DDX60: variants seen among roughly 807,000 people sequenced by gnomAD.
The protein encoded by DDX60 is DExD/H-box helicase 60.
Under a neutral mutation model 212.8 loss-of-function variants are expected in DDX60, and 165 were observed. The observed-to-expected ratio is 0.78, with a 90% CI of 0.68 to 0.88. The LOEUF (loss-of-function observed/expected upper bound fraction) is 0.88. Ranked by LOEUF, DDX60 falls within the 40% of genes least tolerant of loss-of-function variation. The pLI is 0.00. For synonymous variants in DDX60, 703 were observed against 685.3 expected, an observed-to-expected ratio of 1.03 and a Z score of -0.40; for missense variants, 1,905 against 2,003.9, an observed-to-expected ratio of 0.95 and a Z score of 0.94.
intron 5 of DDX60, among the ~76,000 whole-genome samples, chr4:168,306,007 G>C (rs1560877935): frequency 1.3e-5 from 2 of 152,062 alleles, no homozygotes; most frequent in African/African-American, 4.8e-5. Context: ...GGACACAGGG[G>C]CTTGAGTCCA....
At chr4:168,277,865 G>A (rs1579039155) in intron 14 of DDX60, among the ~76,000 whole-genome samples, 1 of 150,022 alleles carries the variant, frequency 6.7e-6, no homozygotes, top group South Asian at 2.1e-4. Context: ...TAAATCATAT[G>A]TTTTTAAATT....
chr4:168,222,037 G>A (rs1295508007), intron 35 of DDX60, among the ~76,000 whole-genome samples, 156 bp from the exon 36 acceptor site: 1 of 152,138 alleles, frequency 6.6e-6, no homozygotes, highest in African/African-American at 2.4e-5. Context: ...CATTGTGGTA[G>A]CACCATCCTA....
At chr4:168,317,239 C>T (rs564114197) in intron 1 of DDX60, among the ~76,000 whole-genome samples, 66 of 151,928 alleles carry the variant, frequency 4.3e-4, no homozygotes, top group African/African-American at 1.5e-3. Context: ...AGGACACACA[C>T]ATACAAAAAC....
At chr4:168,321,276 T>C (rs1049286621), upstream of DDX60, among the ~76,000 whole-genome samples, 2 of 152,138 alleles carry the variant, frequency 1.3e-5, no homozygotes, top group Non-Finnish European at 2.9e-5. Flanking sequence ...CTCTGAGGAC[T>C]CCCAAATGTT....
At chr4:168,315,691 C>T (rs1004235404) in intron 1 of DDX60, among the ~76,000 whole-genome samples, 7 of 152,158 alleles carry the variant, frequency 4.6e-5, no homozygotes, top group Non-Finnish European at 1.0e-4. Context: ...GTTTTCTGTT[C>T]CTGTGTTAGT....
At chr4:168,295,023 C>T (rs979732815) in intron 6 of DDX60, among the ~76,000 whole-genome samples, 1 of 152,032 alleles carries the variant, frequency 6.6e-6, no homozygotes, top group African/African-American at 2.4e-5. Context: ...ATTAAAACTA[C>T]AATGAGATAT....
intron 7 of DDX60, among the ~76,000 whole-genome samples, chr4:168,292,970 T>A (rs926742497): frequency 6.6e-6 from 1 of 152,250 alleles, no homozygotes; most frequent in Non-Finnish European, 1.5e-5. Flanking sequence ...AAGTAAAAGA[T>A]AATGAGCCCT....
chr4:168,288,164 G>A lies in DDX60; in HGVS notation c.1183+10C>T. The A allele has an allele frequency of 6.9e-7, 1 of 1,446,874 alleles. No individual in the cohort carries two copies. Among genetic ancestry groups the A allele is most frequent in the Non-Finnish European group, 9.4e-7 (1 of 1,065,430 alleles). 89.6% of individuals were successfully genotyped at this position (1,446,874 alleles called of 1,614,324 possible). On this transcript the variant is annotated intron_variant, in intron 9 of 37. Transcript: ENST00000393743. Reference sequence around the variant, plus strand: ...GATGGAAGTATGATTATAATATACTGAGATGGTACCTTTTACATTTTCATT... The same window carrying A: ...GATGGAAGTATGATTATAATATACTAAGATGGTACCTTTTACATTTTCATT...
intron 18 of DDX60, 125 bp downstream of exon 18, chr4:168,273,154 T>C: frequency 2.0e-6 from 2 of 1,007,862 alleles, no homozygotes; most frequent in Non-Finnish European, 2.8e-6. Flanking sequence ...AAAAGTATTT[T>C]GTCTTTCATA....
At chr4:168,262,835 C>A in intron 22 of DDX60, 48 bp from the exon 23 acceptor site, 3 of 1,315,126 alleles carry the variant, frequency 2.3e-6, no homozygotes, top group Admixed American at 2.2e-5. Context: ...TATTTTATGT[C>A]GTATCCTTTG....
At chr4:168,240,497 A>G (rs1733801417) in intron 30 of DDX60, among the ~76,000 whole-genome samples, 1 of 152,240 alleles carries the variant, frequency 6.6e-6, no homozygotes, top group Non-Finnish European at 1.5e-5. Context: ...TGGAACCAAA[A>G]AAGAGCCCAT....
chr4:168,223,274 C>T (rs1287560236), intron 35 of DDX60, among the ~76,000 whole-genome samples: 3 of 151,686 alleles, frequency 2.0e-5, no homozygotes, highest in Non-Finnish European at 4.4e-5. Flanking sequence ...GTACGCTTAG[C>T]ATTATATTAA....
intron 33 of DDX60, among the ~76,000 whole-genome samples, chr4:168,226,887 G>C (rs1733273960): frequency 6.6e-6 from 1 of 151,986 alleles, no homozygotes; most frequent in Non-Finnish European, 1.5e-5. Flanking sequence ...GGCTGGGAAG[G>C]GTAGCTGGGG....
intron 6 of DDX60, among the ~76,000 whole-genome samples, chr4:168,297,152 A>G (rs1736380472): frequency 6.6e-6 from 1 of 151,628 alleles, no homozygotes; most frequent in African/African-American, 2.4e-5. Context: ...CTTGTGATTC[A>G]CCTACCTTGG....
intron 4 of DDX60, 65 bp from the exon 5 acceptor site, chr4:168,306,785 C>T: frequency 8.0e-7 from 1 of 1,256,018 alleles, no homozygotes. Context: ...AGTTGGCTAA[C>T]ACATCATTAA....
intron 8 of DDX60, among the ~76,000 whole-genome samples, chr4:168,288,634 G>T (rs1232409970): frequency 6.6e-6 from 1 of 152,172 alleles, no homozygotes; most frequent in Non-Finnish European, 1.5e-5. Flanking sequence ...AAATACTTCT[G>T]CTTTGAAATG....
rs1164442639 is a variant in DDX60 at position 168,267,706 on chromosome 4, C to T, written c.2930-15G>A. 6 of 1,559,490 alleles carry T rather than the reference C, an allele frequency of 3.8e-6. 1 individual carries two copies. The highest frequency in any genetic ancestry group is 1.2e-5 in the South Asian group (1 of 82,866). ...TCCATAGAGCACTAAAAATGAAGAACAAGAATTTCCACATCAATGGAAATG... is the reference window on the plus strand; with the variant it reads ...TCCATAGAGCACTAAAAATGAAGAATAAGAATTTCCACATCAATGGAAATG... On this transcript the variant is annotated splice_polypyrimidine_tract_variant and intron_variant, in intron 21 of 37. Transcript: ENST00000393743.
chr4:168,282,247 CA>C (rs1376393951), intron 13 of DDX60, among the ~76,000 whole-genome samples: 15 of 152,138 alleles, frequency 9.9e-5, no homozygotes, highest in African/African-American at 3.6e-4. Context: ...CTTCACAGAA[CA>C]TGTGAGAACC....
intron 25 of DDX60, among the ~76,000 whole-genome samples, chr4:168,258,820 T>C (rs541070491): frequency 6.6e-6 from 1 of 152,236 alleles, no homozygotes; most frequent in East Asian, 1.9e-4. Context: ...TCTTTCTTTT[T>C]CTTAAAAGTA....
Sources: allele counts gnomAD v4.1 joint callset (sites outside exome capture counted in the v4.1 genomes callset), GRCh38; gene constraint gnomAD v4.1.1; transcripts MANE v1.5; gene names NCBI Gene and HGNC (gene_info 2026-07-23, HGNC 2026-07-21).